The following CSMD1 variants were observed in gnomAD, a reference collection of about 807,000 sequenced individuals.
CSMD1 encodes CUB and sushi domain-containing protein 1.
CSMD1 carries 213 observed loss-of-function variants against 417.5 expected under a neutral mutation model. That is an observed-to-expected ratio of 0.51 (90% CI 0.46 to 0.57). CSMD1 has a LOEUF of 0.57. Ranked by LOEUF, CSMD1 falls within the 20% of genes least tolerant of loss-of-function variation. The pLI is 0.00. For missense variants in CSMD1, 6,923 were observed against 4,529.7 expected (o/e 1.53, Z -15.17); for synonymous variants, 2,862 against 1,736.8 (o/e 1.65, Z -16.11).
rs771392777 is a variant in CSMD1, at chr8:3,142,570, C to T, written c.6136G>A (p.Gly2046Ser). 1.9e-5 allele frequency: 30 copies of T among 1,613,748 alleles called. No homozygotes were observed. Among genetic ancestry groups the T allele is most frequent in the Non-Finnish European group, 2.3e-5 (27 of 1,179,890 alleles). ...HTSPMIGQFS[G>S]TDLPAALLST... ...AGCAGGGCCGCGGGGAGATCCGTGC[C>T]GCTAAATTGTCCAATCATGGGGCTG... The change falls in exon 41 of 70, where the codon GGC (glycine) becomes AGC (serine). Residue 2046 changes from glycine (G) to serine (S), a missense_variant. By Grantham distance (56) the Gly-to-Ser change is moderately conservative. Transcript: ENST00000635120.
At chr8:2,999,382 G>C (rs989949129) in intron 53 of CSMD1, among the ~76,000 whole-genome samples, 3 of 152,048 alleles carry the variant, frequency 2.0e-5, no homozygotes, top group African/African-American at 7.2e-5. Flanking sequence ...TTGAACTCCT[G>C]ACCTCAGGTG....
At chr8:4,112,493 C>A (rs551883553) in intron 3 of CSMD1, among the ~76,000 whole-genome samples, 1 of 152,136 alleles carries the variant, frequency 6.6e-6, no homozygotes, top group African/African-American at 2.4e-5. Flanking sequence ...ATGGAGTGAC[C>A]CATCCTGAAT....
At chr8:3,651,598 C>A (rs1418250922) in intron 7 of CSMD1, among the ~76,000 whole-genome samples, 7 of 152,158 alleles carry the variant, frequency 4.6e-5, no homozygotes, top group Admixed American at 2.6e-4. Context: ...ATAGCCCCTG[C>A]CCCCCTGCAC....
chr8:4,153,725 T>G (rs945058876), intron 3 of CSMD1, among the ~76,000 whole-genome samples: 8 of 152,220 alleles, frequency 5.3e-5, no homozygotes, highest in Non-Finnish European at 1.2e-4. Context: ...TAAGAACCCA[T>G]GCAGTGGGCA....
chr8:3,599,783 G>A (rs1388186157), intron 8 of CSMD1, among the ~76,000 whole-genome samples: 1 of 152,138 alleles, frequency 6.6e-6, no homozygotes, highest in Non-Finnish European at 1.5e-5. Context: ...CTTGGCATGG[G>A]CAACTCCCAC....
At chr8:3,275,758 G>C (rs1802236797) in intron 26 of CSMD1, among the ~76,000 whole-genome samples, 1 of 152,066 alleles carries the variant, frequency 6.6e-6, no homozygotes, top group African/African-American at 2.4e-5. Flanking sequence ...CGTAGTTCTG[G>C]AGCTTTGGTT....
At chr8:3,369,166 G>T in intron 19 of CSMD1, 88 bp downstream of exon 19, 1 of 651,456 alleles carries the variant, frequency 1.5e-6, no homozygotes, top group Non-Finnish European at 2.8e-6. Flanking sequence ...TATCTCACTT[G>T]TTTACACCGT....
At chr8:3,347,807 C>T (rs1036174655) in intron 22 of CSMD1, among the ~76,000 whole-genome samples, 185 bp downstream of exon 22, 1 of 152,186 alleles carries the variant, frequency 6.6e-6, no homozygotes, top group Non-Finnish European at 1.5e-5. Context: ...TCAAAGTCCA[C>T]ATACACTGCT....
At chr8:4,172,416 C>A (rs547448016) in intron 3 of CSMD1, among the ~76,000 whole-genome samples, 1 of 152,022 alleles carries the variant, frequency 6.6e-6, no homozygotes, top group Non-Finnish European at 1.5e-5. Context: ...TCATGGCTCC[C>A]GCGTTACACA....
chr8:4,033,744 G>C (rs76490933), intron 3 of CSMD1, among the ~76,000 whole-genome samples: 4 of 152,088 alleles, frequency 2.6e-5, no homozygotes, highest in Non-Finnish European at 5.9e-5. Context: ...CAATAATGGG[G>C]TATTGATTCT....
At chr8:4,215,299 C>A (rs1353368375) in intron 3 of CSMD1, among the ~76,000 whole-genome samples, 1 of 152,202 alleles carries the variant, frequency 6.6e-6, no homozygotes, top group Non-Finnish European at 1.5e-5. Context: ...CATCTCCTCC[C>A]TCCCCACCAC....
At chr8:4,822,871 T>C (rs1799599088) in intron 1 of CSMD1, among the ~76,000 whole-genome samples, 1 of 152,148 alleles carries the variant, frequency 6.6e-6, no homozygotes, top group African/African-American at 2.4e-5. Context: ...GTCTTTTTCA[T>C]AATATGTTAT....
intron 47 of CSMD1, among the ~76,000 whole-genome samples, chr8:3,092,430 T>C (rs1460553920): frequency 4.6e-5 from 7 of 152,170 alleles, no homozygotes; most frequent in Non-Finnish European, 1.0e-4. Context: ...TTATAAAACA[T>C]GCATAACCAT....
chr8:4,841,895 G>C (rs1226754877), intron 1 of CSMD1, among the ~76,000 whole-genome samples: 2 of 36,420 alleles, frequency 5.5e-5, no homozygotes, highest in Non-Finnish European at 9.4e-5. Context: ...GGGGCAACAA[G>C]AGCAAAACTC....
intron 3 of CSMD1, among the ~76,000 whole-genome samples, chr8:4,136,928 A>G (rs575747340): frequency 6.6e-6 from 1 of 152,232 alleles, no homozygotes; most frequent in Non-Finnish European, 1.5e-5. Flanking sequence ...TCTCCCAAGT[A>G]CTAGATTAAA....
chr8:3,864,122 T>TA (rs1804916187), intron 5 of CSMD1, among the ~76,000 whole-genome samples: 2 of 152,084 alleles, frequency 1.3e-5, no homozygotes, highest in African/African-American at 4.8e-5. Flanking sequence ...TGTTGATATT[T>TA]TAAAAAAAAA....
chr8:3,454,612 G>C (rs1815981930), intron 12 of CSMD1, among the ~76,000 whole-genome samples: 1 of 152,130 alleles, frequency 6.6e-6, no homozygotes, highest in Non-Finnish European at 1.5e-5. Context: ...ACTGAAACTT[G>C]TTTTCTTTAG....
At chr8:4,725,883 G>A (rs1471204381) in intron 1 of CSMD1, among the ~76,000 whole-genome samples, 2 of 152,128 alleles carry the variant, frequency 1.3e-5, no homozygotes, top group South Asian at 2.1e-4. Flanking sequence ...GTAGACCCTG[G>A]TTGTGGGACT....
chr8:3,034,594 T>C (rs1404189190), intron 50 of CSMD1, among the ~76,000 whole-genome samples: 2 of 152,178 alleles, frequency 1.3e-5, no homozygotes, highest in East Asian at 1.9e-4. Flanking sequence ...AATTTTAATA[T>C]ATACCTACTA....
Sources: allele counts gnomAD v4.1 joint callset (sites outside exome capture counted in the v4.1 genomes callset), GRCh38; gene constraint gnomAD v4.1.1; transcripts MANE v1.5; gene names NCBI Gene and HGNC (gene_info 2026-07-23, HGNC 2026-07-21).